The following RAD51B variants were observed in gnomAD, a reference collection of about 807,000 sequenced individuals.
The protein encoded by RAD51B is RAD51 paralog B.
RAD51B carries 38 observed loss-of-function variants against 42.2 expected under a neutral mutation model. That is an observed-to-expected ratio of 0.90 (90% CI 0.70 to 1.18). RAD51B has a LOEUF of 1.18. Among genes scored for constraint, RAD51B ranks in the 50% most tolerant of loss-of-function variants. RAD51B has a pLI of 0.00. For synonymous variants in RAD51B, 154 were observed against 145.2 expected (o/e 1.06, Z -0.43); for missense variants, 373 against 400.7 (o/e 0.93, Z 0.59).
chr14:68,429,430 T>G (rs1433195480), intron 9 of RAD51B, among the ~76,000 whole-genome samples: 2 of 152,216 alleles, frequency 1.3e-5, no homozygotes, highest in Admixed American at 1.3e-4. Flanking sequence ...TTTCCTGACT[T>G]TTTAATGATC....
At chr14:68,416,776 G>A (rs1223756909) in intron 9 of RAD51B, among the ~76,000 whole-genome samples, 1 of 152,156 alleles carries the variant, frequency 6.6e-6, no homozygotes, top group East Asian at 1.9e-4. Context: ...GCTTCCCCTG[G>A]AATCTTATGG....
chr14:68,681,402 A>ACG lies in RAD51B; in HGVS notation c.*11+30546_*11+30547insCG, dbSNP rs1219724875. Among the ~76,000 whole-genome samples the ACG allele has an allele frequency of 1.4e-3, 219 of 152,302 alleles. 3 individuals carry two copies. The highest frequency in any genetic ancestry group is 5.1e-3 in the African/African-American group (211 of 41,566). On this transcript the variant is annotated intron_variant, in intron 11 of 11. Coordinates refer to the RAD51B transcript ENST00000488612. ...GAGGAGGAAGAGGAATAGGAAGGTG[A>ACG]AGGAGGAACAAGGGCCTCCAAGCAA... is the stretch of plus-strand genomic sequence containing the variant.
chr14:68,388,094 A>ATAT (rs1483952338), intron 8 of RAD51B, among the ~76,000 whole-genome samples: 465 of 118,878 alleles, frequency 3.9e-3, no homozygotes, highest in East Asian at 5.3e-3. Flanking sequence ...ATATATATAT[A>ATAT]TTTTTTTTTT....
At chr14:67,837,878 T>C (rs1046049873) in intron 4 of RAD51B, among the ~76,000 whole-genome samples, 1 of 152,228 alleles carries the variant, frequency 6.6e-6, no homozygotes, top group African/African-American at 2.4e-5. Context: ...TAAGGTGCTA[T>C]AGAAAACTAA....
At chr14:68,095,245 A>G (rs2077171603) in intron 7 of RAD51B, among the ~76,000 whole-genome samples, 1 of 152,106 alleles carries the variant, frequency 6.6e-6, no homozygotes, top group Admixed American at 6.5e-5. Flanking sequence ...GGTTTTTCCT[A>G]TTTATAACAA....
chr14:68,433,260 C>T (rs567709057), intron 9 of RAD51B, among the ~76,000 whole-genome samples: 57 of 152,144 alleles, frequency 3.7e-4, no homozygotes, highest in Non-Finnish European at 6.9e-4. Context: ...ATCTTTGTGG[C>T]GTTCTCTGTA....
intron 7 of RAD51B, among the ~76,000 whole-genome samples, chr14:68,053,414 C>T (rs1023628474): frequency 1.3e-5 from 2 of 152,106 alleles, no homozygotes; most frequent in Non-Finnish European, 2.9e-5. Flanking sequence ...CAAACAGAAC[C>T]CATCTGTTTG....
chr14:68,483,150 A>G (rs1168032920), intron 10 of RAD51B, among the ~76,000 whole-genome samples: 1 of 152,184 alleles, frequency 6.6e-6, no homozygotes, highest in Non-Finnish European at 1.5e-5. Flanking sequence ...AGCCACTCCT[A>G]ACTTCCAGGA....
At chr14:67,842,733 G>T (rs1286780047) in intron 4 of RAD51B, among the ~76,000 whole-genome samples, 1 of 152,196 alleles carries the variant, frequency 6.6e-6, no homozygotes, top group Non-Finnish European at 1.5e-5. Context: ...AATAGGAGTG[G>T]TGAGACTGGG....
At chr14:68,299,822 A>G (rs1250909538) in intron 8 of RAD51B, among the ~76,000 whole-genome samples, 1 of 152,216 alleles carries the variant, frequency 6.6e-6, no homozygotes, top group Non-Finnish European at 1.5e-5. Context: ...GCCAGATCAC[A>G]TGGGTATTGG....
At chr14:67,989,321 T>C (rs1391886044) in intron 7 of RAD51B, among the ~76,000 whole-genome samples, 1 of 152,166 alleles carries the variant, frequency 6.6e-6, no homozygotes, top group Non-Finnish European at 1.5e-5. Context: ...TGTGAATTAA[T>C]GGGTTTTGAC....
chr14:68,128,213 A>G (rs896528319), intron 7 of RAD51B, among the ~76,000 whole-genome samples: 1 of 152,186 alleles, frequency 6.6e-6, no homozygotes, highest in East Asian at 1.9e-4. Context: ...GGAAGATCAA[A>G]CTTCATTCCT....
intron 10 of RAD51B, among the ~76,000 whole-genome samples, chr14:68,585,047 T>C (rs1015702668): frequency 6.6e-6 from 1 of 152,122 alleles, no homozygotes; most frequent in Admixed American, 6.5e-5. Flanking sequence ...GCTTCACCCA[T>C]AGGATGCGGC....
chr14:67,934,218 A>G (rs1324751408), intron 7 of RAD51B, among the ~76,000 whole-genome samples: 1 of 152,168 alleles, frequency 6.6e-6, no homozygotes, highest in Non-Finnish European at 1.5e-5. Flanking sequence ...TCCATTGCTC[A>G]CTAGGATCCT....
chr14:68,093,403 T>G (rs960064624), intron 7 of RAD51B, among the ~76,000 whole-genome samples: 1 of 152,230 alleles, frequency 6.6e-6, no homozygotes, highest in Non-Finnish European at 1.5e-5. Context: ...ATTCAGAGAT[T>G]CAACTTCTTC....
chr14:68,274,338 T>C (rs1159332929), intron 7 of RAD51B, among the ~76,000 whole-genome samples: 1 of 152,176 alleles, frequency 6.6e-6, no homozygotes, highest in Non-Finnish European at 1.5e-5. Context: ...ACTTTCTTCC[T>C]TCCTTTCTTG....
chr14:68,447,607 T>G (rs1390795168), intron 9 of RAD51B, among the ~76,000 whole-genome samples: 9 of 152,186 alleles, frequency 5.9e-5, no homozygotes. Flanking sequence ...AAACTTACAA[T>G]AAACAGCTTT....
intron 10 of RAD51B, among the ~76,000 whole-genome samples, chr14:68,502,392 C>A (rs1249342649): frequency 6.6e-6 from 1 of 152,176 alleles, no homozygotes. Context: ...AGTTCCGACT[C>A]CCCCCACGGG....
intron 8 of RAD51B, among the ~76,000 whole-genome samples, chr14:68,399,717 A>G (rs977384462): frequency 6.6e-5 from 10 of 152,216 alleles, no homozygotes; most frequent in Admixed American, 2.6e-4. Context: ...ATACTTCAGC[A>G]TTTATCTCTT....
Sources: allele counts gnomAD v4.1 joint callset (sites outside exome capture counted in the v4.1 genomes callset), GRCh38; gene constraint gnomAD v4.1.1; transcripts MANE v1.5; gene names NCBI Gene and HGNC (gene_info 2026-07-23, HGNC 2026-07-21).